Variants in ADGRG6 observed in about 807,000 individuals in gnomAD.
The protein encoded by ADGRG6 is adhesion G protein-coupled receptor G6, also known as G-protein coupled receptor 126.
ADGRG6 carries 84 observed loss-of-function variants against 142.4 expected under a neutral mutation model. The ratio of observed to expected loss-of-function variants is 0.59; its 90% CI spans 0.49 to 0.71. The LOEUF (loss-of-function observed/expected upper bound fraction) is 0.71, where lower values mean the gene tolerates loss of function less well. ADGRG6 is among the 30% of genes least tolerant of loss of function. The pLI is 0.00. For missense variants in ADGRG6, 1,367 were observed against 1,466.6 expected (o/e 0.93, Z 1.11); for synonymous variants, 521 against 520.5 (o/e 1.00, Z -0.01).
chr6:142,372,674 G>A (rs547754613), intron 4 of ADGRG6, among the ~76,000 whole-genome samples: 16 of 152,326 alleles, frequency 1.1e-4, no homozygotes, highest in Middle Eastern at 6.8e-3. Flanking sequence ...CTCAGTGTTA[G>A]GATAGCTAGA....
rs1349182213 is a variant in ADGRG6, at chr6:142,441,208, G to T, written c.3575-2129G>T. Reference sequence around the variant, plus strand: ...TGTACCATGGTCTGGAGTGAGTGGAGCACATATTATGTAAAATAATGACAG... The same window carrying T: ...TGTACCATGGTCTGGAGTGAGTGGATCACATATTATGTAAAATAATGACAG... On this transcript the variant is annotated intron_variant, in intron 24 of 24. Coordinates refer to ENST00000367609, the MANE Select transcript of ADGRG6 (RefSeq NM_198569.3). 4.6e-5 allele frequency among the ~76,000 whole-genome samples: 7 copies of T among 152,120 alleles called. No individual in the cohort carries two copies. The East Asian group carries it at 1.3e-3, about 29-fold the overall frequency.
intron 2 of ADGRG6, among the ~76,000 whole-genome samples, chr6:142,349,379 G>T (rs550324772): frequency 1.3e-5 from 2 of 152,324 alleles, no homozygotes; most frequent in East Asian, 3.9e-4. Flanking sequence ...AGCAGATACT[G>T]CAGGCCCCCA....
chr6:142,354,057 A>G (rs1780318209), intron 2 of ADGRG6, among the ~76,000 whole-genome samples: 1 of 152,248 alleles, frequency 6.6e-6, no homozygotes, highest in South Asian at 2.1e-4. Flanking sequence ...CAGTTCAAAT[A>G]GAAACTTAGA....
At chr6:142,347,476 T>C (rs1779964804) in intron 2 of ADGRG6, among the ~76,000 whole-genome samples, 1 of 152,110 alleles carries the variant, frequency 6.6e-6, no homozygotes, top group South Asian at 2.1e-4. Flanking sequence ...TGAGTGTGAA[T>C]TAGAAGACTG....
intron 2 of ADGRG6, among the ~76,000 whole-genome samples, chr6:142,341,702 G>A (rs1364128537): frequency 7.3e-6 from 1 of 137,708 alleles, no homozygotes; most frequent in Admixed American, 8.1e-5. Flanking sequence ...CCTCATTGGA[G>A]AGCAAGATTC....
intron 22 of ADGRG6, among the ~76,000 whole-genome samples, chr6:142,436,832 G>A (rs73582556): frequency 0.016 from 2,399 of 152,198 alleles, 50 homozygotes; most frequent in African/African-American, 0.051. Context: ...TATGAAGACT[G>A]TTTCTCATTA....
intron 2 of ADGRG6, among the ~76,000 whole-genome samples, chr6:142,342,508 C>T (rs1779705088): frequency 6.6e-6 from 1 of 151,940 alleles, no homozygotes; most frequent in Non-Finnish European, 1.5e-5. Flanking sequence ...TATGAAAACC[C>T]TAATTTCCTG....
chr6:142,375,811 C>G (rs117388526), intron 4 of ADGRG6, among the ~76,000 whole-genome samples: 3,717 of 152,100 alleles, frequency 0.024, 71 homozygotes, highest in Non-Finnish European at 0.039. Context: ...ACGAAAGTAA[C>G]ATAGTAGAAT....
intron 24 of ADGRG6, among the ~76,000 whole-genome samples, chr6:142,439,938 A>T (rs1415404615): frequency 6.6e-6 from 1 of 152,198 alleles, no homozygotes; most frequent in East Asian, 1.9e-4. Flanking sequence ...ATTTAACCAA[A>T]CTTAAAATTT....
intron 15 of ADGRG6, among the ~76,000 whole-genome samples, chr6:142,406,230 C>G (rs1775801440): frequency 6.9e-6 from 1 of 145,628 alleles, no homozygotes; most frequent in Non-Finnish European, 1.5e-5. Flanking sequence ...GTACTGTTTA[C>G]ATAATGAGCA....
chr6:142,318,376 T>G (rs1193667856), intron 2 of ADGRG6, among the ~76,000 whole-genome samples: 2 of 109,846 alleles, frequency 1.8e-5, no homozygotes, highest in South Asian at 4.7e-4. Flanking sequence ...TATATATATT[T>G]ATATATTTAT....
Position 142,383,833 on chromosome 6 carries a change from A to G in ADGRG6, c.1212A>G (p.Lys404=), listed in dbSNP as rs1478430595. 1 of 1,517,476 alleles carries G rather than the reference A, an allele frequency of 6.6e-7. No individual in the cohort carries two copies. Among genetic ancestry groups the G allele is most frequent in the Non-Finnish European group, 9.2e-7 (1 of 1,092,666 alleles). 94.0% of individuals were successfully genotyped at this position (1,517,476 alleles called of 1,614,324 possible). A position where few individuals can be genotyped will look rare whatever the true frequency, so the allele number is the denominator to read the frequency against. The stretch of plus-strand genomic sequence containing the variant: ...TGCCTGTTACTAACAGAATCGATAA[A>G]CAAAGGAATGGTAAGAAATCATTAC... The part of the protein sequence containing the change: ...TNMPVTNRID[K]QRNDGIIYRI... The change falls in exon 6 of 25, where the codon AAA becomes AAG. Residue 404 remains lysine (K), a synonymous_variant. Coordinates refer to ENST00000367609, the MANE Select transcript of ADGRG6 (RefSeq NM_198569.3).
chr6:142,372,522 A>G (rs1335777932), intron 4 of ADGRG6, among the ~76,000 whole-genome samples: 2 of 152,164 alleles, frequency 1.3e-5, no homozygotes, highest in African/African-American at 2.4e-5. Context: ...TGGCACTCCT[A>G]CAGGTGGTGG....
chr6:142,373,300 G>A (rs183428590), intron 4 of ADGRG6, among the ~76,000 whole-genome samples: 1 of 151,842 alleles, frequency 6.6e-6, no homozygotes, highest in East Asian at 2.0e-4. Context: ...CAGGGGAGAA[G>A]TATGAAGGTC....
In ADGRG6 at chr6:142,416,028, C is replaced by G. The variant is rs760098162; in HGVS notation, c.2902C>G (p.Arg968Gly). ...ALVKVFNTYI[R>G]RYILKFCIIG... The stretch of plus-strand genomic sequence containing the variant: ...AGTTAAAGTATTTAACACTTACATT[C>G]GCCGATACATTCTAAAATTCTGCAT... Residue 968 changes from arginine (R) to glycine (G), a missense_variant, in exon 20 of 25, where the codon CGC (arginine) becomes GGC (glycine). By Grantham distance (125) the Arg-to-Gly change is moderately radical. This residue lies in a region of ADGRG6 where 344 missense variants were observed against 348.7 expected (regional missense o/e 0.99). Transcript: ENST00000367609. 1 of 1,612,668 alleles carries G rather than the reference C, an allele frequency of 6.2e-7. No individual in the cohort carries two copies. The highest frequency in any genetic ancestry group is 8.5e-7 in the Non-Finnish European group (1 of 1,178,954).
Position 142,440,964 on chromosome 6 carries a change from G to A in ADGRG6, c.3575-2373G>A, listed in dbSNP as rs191095851. Reference sequence around the variant, plus strand: ...AAGTGGATCACTCAGGTAAACTTTCGTTACTTTTTTGAATGCATGAATTTT... The same window carrying A: ...AAGTGGATCACTCAGGTAAACTTTCATTACTTTTTTGAATGCATGAATTTT... On this transcript the variant is annotated intron_variant, in intron 24 of 24. Coordinates refer to ENST00000367609, the MANE Select transcript of ADGRG6 (RefSeq NM_198569.3). 2.6e-4 allele frequency: 381 copies of A among 1,452,550 alleles called. 3 individuals are homozygous for A. The East Asian group carries it at 5.7e-3, about 22-fold the overall frequency. 90.0% of individuals were successfully genotyped at this position (1,452,550 alleles called of 1,614,324 possible). A position where few individuals can be genotyped will look rare whatever the true frequency, so the allele number is the denominator to read the frequency against.
At chr6:142,371,975 T>C (rs1163722901) in intron 4 of ADGRG6, among the ~76,000 whole-genome samples, 3 of 152,244 alleles carry the variant, frequency 2.0e-5, no homozygotes, top group Admixed American at 1.3e-4. Flanking sequence ...TTTTTTTCTT[T>C]GAACATTTTT....
chr6:142,380,636 A>G (rs1415816938), intron 4 of ADGRG6, among the ~76,000 whole-genome samples: 1 of 152,110 alleles, frequency 6.6e-6, no homozygotes, highest in African/African-American at 2.4e-5. Context: ...CCAGTAAAAT[A>G]CCCATCTCTA....
chr6:142,331,399 C>A (rs1779057223), intron 2 of ADGRG6, among the ~76,000 whole-genome samples: 1 of 152,044 alleles, frequency 6.6e-6, no homozygotes, highest in African/African-American at 2.4e-5. Flanking sequence ...GTGAGGCTTT[C>A]TGTGATCTCA....
Sources: allele counts gnomAD v4.1 joint callset (sites outside exome capture counted in the v4.1 genomes callset), GRCh38; gene constraint gnomAD v4.1.1; regional missense constraint gnomAD v4.1.1; transcripts MANE v1.5; gene names NCBI Gene and HGNC (gene_info 2026-07-23, HGNC 2026-07-21).